Variants in DGLUCY observed in about 807,000 individuals in gnomAD.
DGLUCY encodes D-glutamate cyclase.
Under a neutral mutation model 58.5 loss-of-function variants are expected in DGLUCY, and 58 were observed. The ratio of observed to expected loss-of-function variants is 0.99; its 90% CI spans 0.80 to 1.23. The LOEUF (loss-of-function observed/expected upper bound fraction) is 1.23. DGLUCY is among the 50% of genes most tolerant of loss of function. The probability of loss-of-function intolerance (pLI) is 0.00; values close to 1 mark genes in which losing one functional copy is unlikely to be tolerated. For missense variants in DGLUCY, 779 were observed against 784.7 expected, an observed-to-expected ratio of 0.99 and a Z score of 0.09; for synonymous variants, 325 against 314.1, an observed-to-expected ratio of 1.03 and a Z score of -0.37.
At chr14:91,217,840 C>G (rs1223099449) in intron 13 of DGLUCY, among the ~76,000 whole-genome samples, 1 of 151,930 alleles carries the variant, frequency 6.6e-6, no homozygotes, top group Non-Finnish European at 1.5e-5. Flanking sequence ...TCCCTTTTTC[C>G]TTCTGTCTGT....
At chr14:91,156,261 G>A (rs988698504) in intron 1 of DGLUCY, among the ~76,000 whole-genome samples, 3 of 151,956 alleles carry the variant, frequency 2.0e-5, no homozygotes, top group Non-Finnish European at 4.4e-5. Flanking sequence ...TTACAGGCAT[G>A]CACCACCACA....
intron 1 of DGLUCY, chr14:91,145,386 G>A (rs1234837425): frequency 6.6e-6 from 1 of 152,250 alleles, no homozygotes; most frequent in African/African-American, 2.4e-5. Context: ...CACCTGGGCT[G>A]ATGACCCTTC....
chr14:91,187,490 G>A (rs1319227439), intron 8 of DGLUCY, among the ~76,000 whole-genome samples: 2 of 152,220 alleles, frequency 1.3e-5, no homozygotes, highest in Non-Finnish European at 2.9e-5. Flanking sequence ...TCATGAGGGC[G>A]GCTGCCTGGC....
intron 1 of DGLUCY, among the ~76,000 whole-genome samples, chr14:91,062,560 T>A (rs12323606): frequency 0.66 from 18,429 of 27,988 alleles, 5,056 homozygotes; most frequent in Middle Eastern, 0.67. Flanking sequence ...AAAAAAAAAA[T>A]ATATATATAT....
intron 9 of DGLUCY, among the ~76,000 whole-genome samples, chr14:91,190,224 T>G (rs1052953475): frequency 6.6e-6 from 1 of 151,914 alleles, no homozygotes; most frequent in African/African-American, 2.4e-5. Context: ...CCTGACCTCG[T>G]GATCCGCCCG....
At chr14:91,112,391 G>A (rs2044719913), upstream of DGLUCY, among the ~76,000 whole-genome samples, 1 of 152,152 alleles carries the variant, frequency 6.6e-6, no homozygotes, top group Non-Finnish European at 1.5e-5. Flanking sequence ...ACCAAACAGA[G>A]CAACTTAGAC....
chr14:91,124,979 C>G (rs2045587638), intron 1 of DGLUCY, among the ~76,000 whole-genome samples: 1 of 152,068 alleles, frequency 6.6e-6, no homozygotes, highest in South Asian at 2.1e-4. Flanking sequence ...GTGTTTTTAC[C>G]TTTCTCAACA....
At chr14:91,068,074 C>T (rs573196474) in intron 1 of DGLUCY, among the ~76,000 whole-genome samples, 114 of 63,854 alleles carry the variant, frequency 1.8e-3, no homozygotes, top group African/African-American at 6.8e-3. Context: ...CACACACACG[C>T]GCACGCACAC....
chr14:91,071,737 G>T (rs1272960605), intron 1 of DGLUCY, among the ~76,000 whole-genome samples: 1 of 151,646 alleles, frequency 6.6e-6, no homozygotes, highest in East Asian at 2.0e-4. Context: ...GCGTGGTGGT[G>T]GGTGCCTGTA....
At chr14:91,177,055 G>A (rs2048900146) in intron 7 of DGLUCY, among the ~76,000 whole-genome samples, 1 of 151,188 alleles carries the variant, frequency 6.6e-6, no homozygotes, top group Admixed American at 6.6e-5. Flanking sequence ...CTTGAGTTCA[G>A]TGGCATCATC....
intron 9 of DGLUCY, among the ~76,000 whole-genome samples, chr14:91,195,785 C>T (rs2050165438): frequency 6.6e-6 from 1 of 151,506 alleles, no homozygotes. Context: ...ATTCTCCTGC[C>T]TCAGCCTCCC....
rs530980293 is a variant in DGLUCY, at chr14:91,146,774, A to G, written c.-81-10865A>G. On this transcript the variant is annotated intron_variant, in intron 1 of 13. Coordinates refer to ENST00000256324, the MANE Select transcript of DGLUCY (RefSeq NM_001102368.3). ...AACAACAGCTGCAGAAGGTGACTGC[A>G]GGGAAGCGGACTGTGCTCCTATTCT... 1.1e-4 allele frequency among the ~76,000 whole-genome samples: 17 copies of G among 152,332 alleles called. No individual in the cohort carries two copies. The South Asian group carries it at 2.9e-3, about 26-fold the overall frequency.
At chr14:91,207,454 T>C (rs952060410) in intron 12 of DGLUCY, among the ~76,000 whole-genome samples, 1 of 152,108 alleles carries the variant, frequency 6.6e-6, no homozygotes, top group South Asian at 2.1e-4. Context: ...CGATAAATAG[T>C]AGCATTTGAA....
intron 1 of DGLUCY, among the ~76,000 whole-genome samples, chr14:91,133,168 G>A (rs537347474): frequency 5.7e-4 from 86 of 152,038 alleles, no homozygotes; most frequent in Non-Finnish European, 1.1e-3. Context: ...GGTAGCAGGC[G>A]TCTGTAATCT....
intron 1 of DGLUCY, among the ~76,000 whole-genome samples, chr14:91,128,368 G>A (rs1355083063): frequency 8.6e-5 from 13 of 151,274 alleles, no homozygotes; most frequent in South Asian, 6.3e-4. Context: ...GGTGGCATGT[G>A]CCTGTAGTCT....
At chr14:91,156,604 G>C (rs1038035846) in intron 1 of DGLUCY, among the ~76,000 whole-genome samples, 1 of 152,232 alleles carries the variant, frequency 6.6e-6, no homozygotes, top group African/African-American at 2.4e-5. Context: ...GGGCTTGTCA[G>C]ATCTGGCTAG....
At chr14:91,085,616 C>A (rs1384917445) in intron 1 of DGLUCY, among the ~76,000 whole-genome samples, 1 of 149,716 alleles carries the variant, frequency 6.7e-6, no homozygotes, top group African/African-American at 2.5e-5. Context: ...ATTCCCCAGG[C>A]TGGAGTGCAA....
At chr14:91,101,712 C>T (rs1270493657) in intron 1 of DGLUCY, among the ~76,000 whole-genome samples, 1 of 152,122 alleles carries the variant, frequency 6.6e-6, no homozygotes, top group Non-Finnish European at 1.5e-5. Flanking sequence ...ATCTATTGTA[C>T]ATGTCTTTCT....
intron 1 of DGLUCY, among the ~76,000 whole-genome samples, chr14:91,101,197 G>A (rs976950084): frequency 6.6e-6 from 1 of 152,080 alleles, no homozygotes; most frequent in Non-Finnish European, 1.5e-5. Flanking sequence ...TAACATCATT[G>A]TTGGCTATAG....
Sources: gnomAD v4.1 joint callset for allele counts (sites outside exome capture counted in the v4.1 genomes callset) on GRCh38, gnomAD v4.1.1 for gene constraint, MANE v1.5 for transcripts, NCBI Gene and HGNC (gene_info 2026-07-23, HGNC 2026-07-21) for gene names.